The following FARP1 variants were observed in gnomAD, a reference collection of about 807,000 sequenced individuals.
FARP1 encodes FERM, ARH/RhoGEF and pleckstrin domain protein 1.
Under a neutral mutation model 128.8 loss-of-function variants are expected in FARP1, and 52 were observed. The ratio of observed to expected loss-of-function variants is 0.40; its 90% CI spans 0.32 to 0.51. The LOEUF is 0.51. Ranked by LOEUF, FARP1 falls within the 20% of genes least tolerant of loss-of-function variation. The probability of loss-of-function intolerance (pLI) is 0.45; values close to 1 mark genes in which losing one functional copy is unlikely to be tolerated. For missense variants in FARP1, 1,333 were observed against 1,367.9 expected, an observed-to-expected ratio of 0.97 and a Z score of 0.40; for synonymous variants, 580 against 551.8, an observed-to-expected ratio of 1.05 and a Z score of -0.72.
chr13:98,241,873 T>C (rs1882790628), intron 2 of FARP1, among the ~76,000 whole-genome samples: 1 of 152,056 alleles, frequency 6.6e-6, no homozygotes, highest in South Asian at 2.1e-4. Flanking sequence ...GAGCCGAGAT[T>C]GCGCCACTGC....
chr13:98,309,311 C>T (rs568375114), intron 2 of FARP1, among the ~76,000 whole-genome samples: 126 of 149,480 alleles, frequency 8.4e-4, no homozygotes, highest in Middle Eastern at 6.8e-3. Context: ...GGCCTACAGG[C>T]GCCCACCATC....
intron 13 of FARP1, chr13:98,396,096 C>G: frequency 2.5e-6 from 1 of 399,130 alleles, no homozygotes; most frequent in Non-Finnish European, 4.4e-6. Context: ...TCATCCTTAG[C>G]CAGGTAGCAT....
At chr13:98,234,094 C>T (rs1474340562) in intron 2 of FARP1, 1 of 152,246 alleles carries the variant, frequency 6.6e-6, no homozygotes, top group East Asian at 1.9e-4. Flanking sequence ...TGAGCGTCAG[C>T]ATTCTGGCCG....
At chr13:98,286,583 T>C (rs1307420953) in intron 2 of FARP1, among the ~76,000 whole-genome samples, 1 of 152,188 alleles carries the variant, frequency 6.6e-6, no homozygotes, top group Non-Finnish European at 1.5e-5. Context: ...TTTTGAGGCC[T>C]CCCCAGCCAT....
chr13:98,193,944 T>C (rs1476886002), intron 1 of FARP1, among the ~76,000 whole-genome samples: 1 of 152,196 alleles, frequency 6.6e-6, no homozygotes, highest in African/African-American at 2.4e-5. Flanking sequence ...TTTCTTGAAC[T>C]ACACAAAAAT....
In FARP1 at chr13:98,310,565, C is replaced by T. The variant is rs189829836; in HGVS notation, c.172-33197C>T. 4.6e-3 allele frequency among the ~76,000 whole-genome samples: 698 copies of T among 152,192 alleles called. 5 individuals carry two copies. Among genetic ancestry groups the T allele is most frequent in the African/African-American group, 0.016 (660 of 41,516 alleles). ...TATAAAGTCTGAAATGTGGAGGTTT[C>T]GAGTTGACATTTGGAGATGGGGTAG... On this transcript the variant is annotated intron_variant, in intron 2 of 26. Coordinates refer to ENST00000319562, the MANE Select transcript of FARP1 (RefSeq NM_005766.4).
rs551556431 is a variant in FARP1, at chr13:98,204,427, A to G, written c.-23-8793A>G. ...ACTTACAGTGCCTCTCACCATTTCT[A>G]CTCCTTTCCCTGCCAGTTTTTTAGC... is the stretch of plus-strand genomic sequence containing the variant. On this transcript the variant is annotated intron_variant, in intron 1 of 26. Transcript: ENST00000319562. Among the ~76,000 whole-genome samples, 3 of 151,670 alleles carry G rather than the reference A, an allele frequency of 2.0e-5. No homozygotes were observed. In the East Asian group the frequency reaches 5.8e-4, roughly 29 times the overall value.
chr13:98,356,096 A>G (rs1255624769), intron 3 of FARP1, among the ~76,000 whole-genome samples: 1 of 152,200 alleles, frequency 6.6e-6, no homozygotes, highest in African/African-American at 2.4e-5. Context: ...AGGATATTCA[A>G]TATATTTCAA....
chr13:98,274,555 G>A (rs978233014), intron 2 of FARP1, among the ~76,000 whole-genome samples: 3 of 152,056 alleles, frequency 2.0e-5, no homozygotes, highest in African/African-American at 4.8e-5. Flanking sequence ...TGAAACCTGA[G>A]CTTTTAGGCA....
intron 2 of FARP1, among the ~76,000 whole-genome samples, chr13:98,237,714 A>C (rs779047816): frequency 6.6e-6 from 1 of 152,246 alleles, no homozygotes; most frequent in Non-Finnish European, 1.5e-5. Context: ...GAAGCAGAGA[A>C]AAGTCATGTC....
At chr13:98,326,494 A>G (rs1211623826) in intron 2 of FARP1, among the ~76,000 whole-genome samples, 2 of 152,106 alleles carry the variant, frequency 1.3e-5, no homozygotes, top group Non-Finnish European at 2.9e-5. Context: ...GGTAAGCACC[A>G]TTTTGTTTTC....
intron 11 of FARP1, among the ~76,000 whole-genome samples, chr13:98,392,209 G>T (rs1890330196): frequency 6.6e-6 from 1 of 151,470 alleles, no homozygotes; most frequent in Non-Finnish European, 1.5e-5. Flanking sequence ...TGGAGGCCGG[G>T]CACAATGGCA....
intron 2 of FARP1, among the ~76,000 whole-genome samples, chr13:98,294,397 A>G (rs918074235): frequency 2.0e-5 from 3 of 152,328 alleles, no homozygotes; most frequent in South Asian, 4.1e-4. Flanking sequence ...TTCAACAAAT[A>G]TTGATAAATA....
Position 98,211,348 on chromosome 13 carries a change from G to A in FARP1, c.-23-1872G>A, listed in dbSNP as rs1484984648. Reference sequence around the variant, plus strand: ...AGGAGCACAGACCCTGTTGGGAACTGCGCATGCGAGGGATCTAGATTGTGC... The same window carrying A: ...AGGAGCACAGACCCTGTTGGGAACTACGCATGCGAGGGATCTAGATTGTGC... On this transcript the variant is annotated intron_variant, in intron 1 of 26. Transcript: ENST00000319562. Among the ~76,000 whole-genome samples, 16 of 152,324 alleles carry A rather than the reference G, an allele frequency of 1.1e-4. No homozygotes were observed. In the East Asian group the frequency reaches 3.1e-3, roughly 29 times the overall value.
At chr13:98,144,570 G>C (rs1303662992) in intron 1 of FARP1, among the ~76,000 whole-genome samples, 1 of 152,178 alleles carries the variant, frequency 6.6e-6, no homozygotes, top group African/African-American at 2.4e-5. Context: ...AAACCCCCGG[G>C]GGCCCCTCTC....
chr13:98,256,205 G>A (rs1883577511), intron 2 of FARP1, among the ~76,000 whole-genome samples: 1 of 152,180 alleles, frequency 6.6e-6, no homozygotes, highest in African/African-American at 2.4e-5. Flanking sequence ...GTATTAAAAT[G>A]TTGATAAACA....
intron 1 of FARP1, chr13:98,177,005 C>T: frequency 1.3e-6 from 2 of 1,597,538 alleles, no homozygotes; most frequent in Non-Finnish European, 1.7e-6. Flanking sequence ...CTCCTGTCGC[C>T]GTGAGCCGCC....
chr13:98,260,160 C>G (rs1883806335), intron 2 of FARP1, among the ~76,000 whole-genome samples: 1 of 152,012 alleles, frequency 6.6e-6, no homozygotes, highest in Non-Finnish European at 1.5e-5. Context: ...ACACACACGC[C>G]CCTCGTCAAG....
At chr13:98,379,618 C>T (rs943841592) in intron 6 of FARP1, among the ~76,000 whole-genome samples, 1 of 152,112 alleles carries the variant, frequency 6.6e-6, no homozygotes, top group Non-Finnish European at 1.5e-5. Flanking sequence ...CTCCCAAGGA[C>T]ACCAAAAACT....
Sources: gnomAD v4.1 joint callset for allele counts (sites outside exome capture counted in the v4.1 genomes callset) on GRCh38, gnomAD v4.1.1 for gene constraint, MANE v1.5 for transcripts, NCBI Gene and HGNC (gene_info 2026-07-23, HGNC 2026-07-21) for gene names.